PAICS: variants seen among roughly 807,000 people sequenced by gnomAD.
PAICS encodes bifunctional phosphoribosylaminoimidazole carboxylase/phosphoribosylaminoimidazole succinocarboxamide synthetase.
Under a neutral mutation model 53.7 loss-of-function variants are expected in PAICS, and 33 were observed. That is an observed-to-expected ratio of 0.61 (90% CI 0.47 to 0.82). PAICS has a LOEUF of 0.82. Ranked by LOEUF, PAICS falls within the 40% of genes least tolerant of loss-of-function variation. PAICS has a pLI of 0.00. For synonymous variants in PAICS, 141 were observed against 167.2 expected, an observed-to-expected ratio of 0.84 and a Z score of 1.21; for missense variants, 394 against 494.1, an observed-to-expected ratio of 0.80 and a Z score of 1.92.
At chr4:56,419,799 G>A in the PAICS span, 8 of 984,974 alleles carry the variant, frequency 8.1e-6, no homozygotes, top group Non-Finnish European at 6.0e-6. Context: ...ACAAATTGCA[G>A]CCAAGCTTCA....
upstream of PAICS, among the ~76,000 whole-genome samples, chr4:56,434,941 G>A (rs891745936): frequency 2.0e-5 from 3 of 152,220 alleles, no homozygotes; most frequent in Admixed American, 6.5e-5. Context: ...TGAAGGACCT[G>A]GACTGGCCGC....
upstream of PAICS, among the ~76,000 whole-genome samples, chr4:56,432,803 AT>A (rs67236829): frequency 0.31 from 42,926 of 139,814 alleles, 6,437 homozygotes; most frequent in Non-Finnish European, 0.38. Context: ...AAAAAAAAAA[AT>A]CAAGAAGATA....
the PAICS span, among the ~76,000 whole-genome samples, chr4:56,417,049 A>G: frequency 1.3e-5 from 2 of 152,144 alleles, no homozygotes; most frequent in African/African-American, 2.4e-5. Flanking sequence ...GGGTTTCACC[A>G]TGTTAGCCAG....
At chr4:56,435,509 C>T (rs749612783), upstream of PAICS, 1 of 1,612,414 alleles carries the variant, frequency 6.2e-7, no homozygotes, top group African/African-American at 1.3e-5. Flanking sequence ...AAGGACCTGC[C>T]GCTGCGGCCA....
chr4:56,463,620 AAGGCAG>A lies in PAICS; in HGVS notation c.*4086_*4091del, dbSNP rs978519983. On this transcript the variant is annotated 3_prime_UTR_variant, in exon 9 of 9. Transcript: ENST00000512576. ...AGGCAGGAGAATCGCTTGAACCTGG[AAGGCAG>A]AGGTTGTGGTGAGCTGAGATCGAAC... The A allele has an allele frequency of 6.6e-6, 1 of 150,790 alleles. No homozygotes were observed. Among genetic ancestry groups the A allele is most frequent in the African/African-American group, 2.4e-5 (1 of 40,986 alleles). 9.3% of individuals were successfully genotyped at this position (150,790 alleles called of 1,614,324 possible). A position where few individuals can be genotyped will look rare whatever the true frequency, so the allele number is the denominator to read the frequency against.
chr4:56,422,773 G>C, the PAICS span: 1 of 152,048 alleles, frequency 6.6e-6, no homozygotes, highest in African/African-American at 2.4e-5. Context: ...AGTACTGTTG[G>C]ATCATAACTC....
chr4:56,450,215 A>T (rs893870469), intron 5 of PAICS, among the ~76,000 whole-genome samples: 1 of 152,112 alleles, frequency 6.6e-6, no homozygotes, highest in Non-Finnish European at 1.5e-5. Context: ...AGAAATACCT[A>T]ATGCATATGG....
chr4:56,438,391 ATATATATATAT>A (rs1560656364), intron 1 of PAICS, among the ~76,000 whole-genome samples: 1 of 114,730 alleles, frequency 8.7e-6, no homozygotes, highest in East Asian at 2.6e-4. Flanking sequence ...ATATATATAT[ATATATATATAT>A]AAAAGGTTTT....
chr4:56,444,811 C>G (rs11940993), intron 2 of PAICS, among the ~76,000 whole-genome samples: 20,123 of 151,934 alleles, frequency 0.13, 1,680 homozygotes, highest in East Asian at 0.27. Context: ...GGGGATCTCT[C>G]TAAGACGAAG....
intron 1 of PAICS, among the ~76,000 whole-genome samples, chr4:56,437,876 A>T (rs370833449): frequency 6.7e-6 from 1 of 149,332 alleles, no homozygotes; most frequent in Admixed American, 6.6e-5. Context: ...GATTCAGATG[A>T]TATTGAGTAT....
chr4:56,441,578 T>G lies in PAICS; in HGVS notation c.17-85T>G, dbSNP rs1007154947. ...TTAATATTACTTAATCACTGTATAT[T>G]TACAGATTAATTGTTCTAGGTGATT... On this transcript the variant is annotated intron_variant, in intron 1 of 8. Transcript: ENST00000512576. 1.3e-5 allele frequency: 7 copies of G among 547,736 alleles called. No homozygotes were observed. In the South Asian group the frequency reaches 2.0e-4, roughly 16 times the overall value. 33.9% of individuals were successfully genotyped at this position (547,736 alleles called of 1,614,324 possible).
chr4:56,433,699 GT>G (rs35741626), upstream of PAICS, among the ~76,000 whole-genome samples: 6 of 141,472 alleles, frequency 4.2e-5, no homozygotes, highest in Admixed American at 7.6e-5. Context: ...AATAACAACT[GT>G]TTTTTTTTTT....
upstream of PAICS, chr4:56,435,396 C>G (rs1236631784): frequency 1.2e-6 from 2 of 1,613,734 alleles, no homozygotes; most frequent in Non-Finnish European, 1.7e-6. Context: ...TGCGGTACAT[C>G]CAGCTGCGTG....
upstream of PAICS, chr4:56,436,053 G>A: frequency 3.3e-6 from 5 of 1,506,842 alleles, no homozygotes; most frequent in Non-Finnish European, 4.4e-6. Flanking sequence ...GCGCCAGCGC[G>A]GGGCGGCCCG....
chr4:56,452,450 C>T (rs970499215), intron 7 of PAICS, among the ~76,000 whole-genome samples: 1 of 152,216 alleles, frequency 6.6e-6, no homozygotes, highest in Non-Finnish European at 1.5e-5. Flanking sequence ...GCTGGGATTA[C>T]AGGCATGAGC....
chr4:56,436,244 A>G (rs1717940144), upstream of PAICS: 1 of 1,556,522 alleles, frequency 6.4e-7, no homozygotes, highest in East Asian at 2.4e-5. Flanking sequence ...AAGCTCTCTG[A>G]CCACCCCTCT....
chr4:56,446,957 C>A, intron 3 of PAICS, 84 bp downstream of exon 3: 1 of 857,614 alleles, frequency 1.2e-6, no homozygotes, highest in South Asian at 3.8e-5. Flanking sequence ...TTTAAATATT[C>A]AAGCAAAGTT....
At chr4:56,437,367 A>G (rs997987652) in intron 1 of PAICS, among the ~76,000 whole-genome samples, 3 of 151,726 alleles carry the variant, frequency 2.0e-5, no homozygotes, top group South Asian at 2.1e-4. Flanking sequence ...AAAAAGTTGC[A>G]CTATCAGGAA....
upstream of PAICS, among the ~76,000 whole-genome samples, chr4:56,431,800 A>G (rs528746695): frequency 7.0e-4 from 107 of 152,338 alleles, no homozygotes; most frequent in African/African-American, 2.5e-3. Context: ...TGTTTATTCT[A>G]AGAAGGGGTG....
Sources: allele counts gnomAD v4.1 joint callset (sites outside exome capture counted in the v4.1 genomes callset), GRCh38; gene constraint gnomAD v4.1.1; transcripts MANE v1.5; gene names NCBI Gene and HGNC (gene_info 2026-07-23, HGNC 2026-07-21).